Variants in CYRIB observed in about 807,000 individuals in gnomAD.
CYRIB encodes the protein CYFIP related Rac1 interactor B.
A neutral mutation model predicts 44.2 loss-of-function variants in CYRIB; 8 were observed. The observed-to-expected ratio is 0.18, with a 90% CI of 0.11 to 0.33. The LOEUF (loss-of-function observed/expected upper bound fraction) is 0.33. Among genes scored for constraint, CYRIB ranks in the 10% least tolerant of loss-of-function variants. CYRIB has a pLI of 1.00. For missense variants in CYRIB, 185 were observed against 382.8 expected (o/e 0.48, Z 4.31); for synonymous variants, 131 against 127.2 (o/e 1.03, Z -0.20).
At chr8:129,985,307 T>C (rs926624663) in intron 1 of CYRIB, among the ~76,000 whole-genome samples, 5 of 152,200 alleles carry the variant, frequency 3.3e-5, no homozygotes, top group African/African-American at 9.6e-5. Flanking sequence ...TAGGTGCCAC[T>C]ATCCAGAAGG....
At chr8:129,845,120 G>A (rs1057067936) in intron 11 of CYRIB, among the ~76,000 whole-genome samples, 5 of 151,930 alleles carry the variant, frequency 3.3e-5, no homozygotes, top group Non-Finnish European at 5.9e-5. Context: ...TCTTTCACTC[G>A]CCATCACTGG....
intron 9 of CYRIB, chr8:129,850,344 G>GA (rs527339336): frequency 7.3e-4 from 105 of 144,772 alleles, no homozygotes; most frequent in South Asian, 1.4e-3. Context: ...AGAGAGGAGA[G>GA]AAAAAAAAAC....
intron 2 of CYRIB, among the ~76,000 whole-genome samples, chr8:129,899,558 T>A (rs572886423): frequency 1.3e-5 from 2 of 152,296 alleles, no homozygotes; most frequent in East Asian, 3.9e-4. Context: ...AAAGTTCAAA[T>A]CACTAAACCA....
chr8:130,000,796 C>A (rs993853448), intron 1 of CYRIB, among the ~76,000 whole-genome samples: 1 of 152,002 alleles, frequency 6.6e-6, no homozygotes, highest in East Asian at 1.9e-4. Flanking sequence ...GTGGGAGGAT[C>A]CCTGGAGCTC....
At chr8:130,012,484 C>T (rs16904188) in intron 1 of CYRIB, among the ~76,000 whole-genome samples, 68,879 of 151,876 alleles carry the variant, frequency 0.45, 15,873 homozygotes, top group East Asian at 0.6. Context: ...AGGGGAGGGA[C>T]AGAAAGAGCA....
intron 2 of CYRIB, among the ~76,000 whole-genome samples, chr8:129,966,010 A>G (rs1035426322): frequency 6.6e-6 from 1 of 151,918 alleles, no homozygotes; most frequent in Non-Finnish European, 1.5e-5. Context: ...TGTGGGCCAC[A>G]ACACCCAGCT....
intron 1 of CYRIB, among the ~76,000 whole-genome samples, chr8:129,906,302 T>C (rs888294230): frequency 9.9e-5 from 15 of 152,134 alleles, no homozygotes; most frequent in African/African-American, 2.7e-4. Flanking sequence ...ATAGCACACA[T>C]CTACAACTAT....
At chr8:129,871,016 G>A (rs1268747309) in intron 4 of CYRIB, among the ~76,000 whole-genome samples, 1 of 152,092 alleles carries the variant, frequency 6.6e-6, no homozygotes, top group East Asian at 1.9e-4. Flanking sequence ...AAAGTTGAGG[G>A]AGACCACACT....
chr8:129,848,425 G>A (rs890402652), intron 10 of CYRIB, among the ~76,000 whole-genome samples: 1 of 152,198 alleles, frequency 6.6e-6, no homozygotes, highest in Non-Finnish European at 1.5e-5. Context: ...AAACTACGAA[G>A]TAGAGAAATT....
rs73710985 is a variant in CYRIB, at chr8:129,974,131, A to C, written c.-295-3136T>G. 4.6e-3 allele frequency among the ~76,000 whole-genome samples: 700 copies of C among 150,770 alleles called. 2 individuals carry two copies. The highest frequency in any genetic ancestry group is 0.016 in the African/African-American group (661 of 40,942). ...AGACCCAGAATCCAGCCGACCCAAC[A>C]CTCCTCCCCACAGCACTCTGTAGGA... On this transcript the variant is annotated intron_variant, in intron 1 of 14. Coordinates refer to the CYRIB transcript ENST00000401979.
chr8:129,871,350 T>G, intron 4 of CYRIB, 25 bp downstream of exon 6: 1 of 1,588,938 alleles, frequency 6.3e-7, no homozygotes, highest in Non-Finnish European at 8.5e-7. Context: ...TTCAGTTAAC[T>G]AGAAAATACA....
chr8:129,968,934 G>A (rs1002222505), intron 2 of CYRIB, among the ~76,000 whole-genome samples: 1 of 150,540 alleles, frequency 6.6e-6, no homozygotes, highest in African/African-American at 2.4e-5. Flanking sequence ...TGGCCCTCAG[G>A]CTCTATAGCT....
chr8:129,936,412 AACAGTAG>A (rs2092795934), intron 1 of CYRIB, among the ~76,000 whole-genome samples: 1 of 152,248 alleles, frequency 6.6e-6, no homozygotes, highest in Non-Finnish European at 1.5e-5. Flanking sequence ...GAATCTGGCA[AACAGTAG>A]GTGTTCAATA....
intron 1 of CYRIB, among the ~76,000 whole-genome samples, chr8:129,935,402 A>G (rs1257229121): frequency 6.6e-6 from 1 of 152,204 alleles, no homozygotes; most frequent in Non-Finnish European, 1.5e-5. Flanking sequence ...ACCTCAGATC[A>G]CCAAGCGTTA....
rs1409760158 is a variant in CYRIB, at chr8:129,899,306, T to C, written c.-11+4006A>G. Among the ~76,000 whole-genome samples, 4 of 152,354 alleles carry C rather than the reference T, an allele frequency of 2.6e-5. No individual in the cohort carries two copies. The East Asian group carries it at 5.8e-4, about 22-fold the overall frequency. On this transcript the variant is annotated intron_variant, in intron 2 of 11. Transcript: ENST00000519824. ...TGACAAATGACAAGGCCAGGTATCT[T>C]TGTAAATAATTTTGCAAAAGCTGGT...
chr8:129,942,558 C>G (rs528218642), upstream of CYRIB, among the ~76,000 whole-genome samples: 9 of 152,176 alleles, frequency 5.9e-5, no homozygotes, highest in Admixed American at 3.3e-4. Flanking sequence ...CTTCTATAAT[C>G]CTTTCTTCAT....
At chr8:129,958,280 C>T (rs1208342988) in intron 2 of CYRIB, among the ~76,000 whole-genome samples, 2 of 151,842 alleles carry the variant, frequency 1.3e-5, no homozygotes, top group Middle Eastern at 3.2e-3. Flanking sequence ...GAAGTGTGTA[C>T]ACACACACTG....
chr8:129,925,241 T>C (rs2086805224), intron 1 of CYRIB, among the ~76,000 whole-genome samples: 1 of 151,896 alleles, frequency 6.6e-6, no homozygotes. Context: ...CTACTAAAAA[T>C]ACAAAAATTA....
intron 4 of CYRIB, chr8:129,864,608 T>A (rs2052310500): frequency 5.8e-6 from 1 of 172,654 alleles, no homozygotes. Context: ...CCCAATAAAG[T>A]GTGCAGACTA....
Sources: gnomAD v4.1 joint callset for allele counts (sites outside exome capture counted in the v4.1 genomes callset) on GRCh38, gnomAD v4.1.1 for gene constraint, MANE v1.5 for transcripts, NCBI Gene and HGNC (gene_info 2026-07-23, HGNC 2026-07-21) for gene names.